RELL1: variants seen among roughly 807,000 people sequenced by gnomAD.
RELL1 encodes the protein RELT like 1.
In RELL1, 10 loss-of-function variants were observed where a neutral mutation model predicts 23.0. The ratio of observed to expected loss-of-function variants is 0.43; its 90% CI spans 0.27 to 0.74. The LOEUF is 0.74. Among genes scored for constraint, RELL1 ranks in the 30% least tolerant of loss-of-function variants. RELL1 has a pLI of 0.19. For synonymous variants in RELL1, 146 were observed against 146.8 expected, an observed-to-expected ratio of 0.99 and a Z score of 0.04; for missense variants, 315 against 364.4, an observed-to-expected ratio of 0.86 and a Z score of 1.10.
chr4:37,606,189 AAGAG>A (rs1259410799), downstream of RELL1, among the ~76,000 whole-genome samples: 209 of 122,788 alleles, frequency 1.7e-3, no homozygotes, highest in African/African-American at 5.8e-3. The surrounding 1 kb of genome is among the most constrained non-coding windows in gnomAD (Gnocchi z 4.1). Context: ...AGAAGAAAGA[AAGAG>A]AAAGAAGAAA....
At chr4:37,619,430 G>C (rs13121780) in intron 6 of RELL1, among the ~76,000 whole-genome samples, 28 of 150,526 alleles carry the variant, frequency 1.9e-4, no homozygotes, top group Middle Eastern at 3.4e-3. Context: ...ATCCACCTGC[G>C]TCAGCCTCCC....
At chr4:37,592,950 A>C (rs1718688185) in intron 6 of RELL1, among the ~76,000 whole-genome samples, 1 of 152,218 alleles carries the variant, frequency 6.6e-6, no homozygotes, top group Non-Finnish European at 1.5e-5. Flanking sequence ...ATTTAGTATA[A>C]AACATGATTT....
chr4:37,681,979 A>G (rs1038317724), intron 1 of RELL1, among the ~76,000 whole-genome samples: 1 of 152,260 alleles, frequency 6.6e-6, no homozygotes, highest in African/African-American at 2.4e-5. Flanking sequence ...TTTAGTAATA[A>G]TAAGCATGGA....
rs973398293 is a variant in RELL1, at chr4:37,610,778, T to A, written c.*2568A>T. 6.6e-6 allele frequency among the ~76,000 whole-genome samples: 1 copy of A among 152,206 alleles called. No individual in the cohort carries two copies. The highest frequency in any genetic ancestry group is 6.5e-5 in the Admixed American group (1 of 15,276). Reference sequence around the variant, plus strand: ...TTACATCAAGGTAGTAGCCAACTCATTGATGACACCAAAAAGTTGTCCATC... The same window carrying A: ...TTACATCAAGGTAGTAGCCAACTCAATGATGACACCAAAAAGTTGTCCATC... On this transcript the variant is annotated 3_prime_UTR_variant, in exon 7 of 7. Coordinates refer to ENST00000454158, the MANE Select transcript of RELL1 (RefSeq NM_001085400.2). This position sits in a 1 kb window ranked among gnomAD's most constrained non-coding sequence, Gnocchi z 4.1.
At chr4:37,679,240 G>A (rs75281854) in intron 1 of RELL1, among the ~76,000 whole-genome samples, 5,814 of 152,232 alleles carry the variant, frequency 0.038, 159 homozygotes, top group African/African-American at 0.076. Context: ...CCATCTAGCC[G>A]ACAAGTTTCC....
intron 6 of RELL1, among the ~76,000 whole-genome samples, chr4:37,619,848 G>C (rs1719710811): frequency 6.6e-6 from 1 of 152,222 alleles, no homozygotes; most frequent in African/African-American, 2.4e-5. Flanking sequence ...TGGGATTACA[G>C]GTGTGAGCTA....
chr4:37,672,792 A>G (rs1175596014), intron 1 of RELL1, among the ~76,000 whole-genome samples: 1 of 152,260 alleles, frequency 6.6e-6, no homozygotes, highest in African/African-American at 2.4e-5. Context: ...AAAACTCACC[A>G]GAAGTGACAG....
intron 3 of RELL1, among the ~76,000 whole-genome samples, chr4:37,646,822 A>G (rs2109279764): frequency 6.6e-6 from 1 of 152,064 alleles, no homozygotes; most frequent in East Asian, 1.9e-4. Context: ...TGAAATCCTG[A>G]GCTCAAGTGA....
At chr4:37,590,476 G>A (rs781386024), downstream of RELL1, 13 of 1,611,170 alleles carry the variant, frequency 8.1e-6, no homozygotes, top group South Asian at 2.2e-5. Flanking sequence ...GGAAGGAGGG[G>A]GCACCAGGAA....
At chr4:37,632,781 G>C (rs1720187339) in intron 5 of RELL1, among the ~76,000 whole-genome samples, 1 of 152,144 alleles carries the variant, frequency 6.6e-6, no homozygotes, top group Non-Finnish European at 1.5e-5. Context: ...TAAGAATTAA[G>C]AGTTAAATAA....
chr4:37,684,865 A>C (rs1441306159), intron 1 of RELL1, among the ~76,000 whole-genome samples: 2 of 152,210 alleles, frequency 1.3e-5, no homozygotes, highest in African/African-American at 4.8e-5. Flanking sequence ...AGGCAGGAGA[A>C]TCACTTGAAC....
At chr4:37,596,599 TA>T (rs959947355) in intron 6 of RELL1, among the ~76,000 whole-genome samples, 1 of 150,392 alleles carries the variant, frequency 6.6e-6, no homozygotes, top group Non-Finnish European at 1.5e-5. Flanking sequence ...AGAGCATTAA[TA>T]TTTTTTTCAC....
At chr4:37,672,343 G>A (rs1721861944) in intron 1 of RELL1, among the ~76,000 whole-genome samples, 1 of 151,972 alleles carries the variant, frequency 6.6e-6, no homozygotes. Context: ...CTCATTATGA[G>A]TAACAAAAAA....
At position 37,669,800 on chromosome 4, in the gene RELL1, G is replaced by C. The variant is rs537769329; in HGVS notation, c.88+16400C>G. The stretch of plus-strand genomic sequence containing the variant: ...ACTCAGGGTTAAATGGATTAAGGGC[G>C]GTGCAAGATGTGCTTTGTTAAACAG... On this transcript the variant is annotated intron_variant, in intron 1 of 6. Coordinates refer to ENST00000454158, the MANE Select transcript of RELL1 (RefSeq NM_001085400.2). 2.2e-3 allele frequency among the ~76,000 whole-genome samples: 339 copies of C among 152,094 alleles called. 1 individual carries two copies. Among genetic ancestry groups the C allele is most frequent in the Non-Finnish European group, 3.0e-3 (205 of 67,964 alleles).
chr4:37,617,681 G>T (rs1719619823), intron 6 of RELL1, among the ~76,000 whole-genome samples: 1 of 152,210 alleles, frequency 6.6e-6, no homozygotes, highest in South Asian at 2.1e-4. Flanking sequence ...TACTTGGGAG[G>T]CTGAGGCAAT....
intron 6 of RELL1, among the ~76,000 whole-genome samples, chr4:37,604,888 G>GACACACAGAC (rs1719138615): frequency 1.6e-5 from 1 of 63,456 alleles, no homozygotes; most frequent in African/African-American, 7.6e-5. Flanking sequence ...CATACACACA[G>GACACACAGAC]ACACACACAC....
At chr4:37,682,676 GGT>G (rs1722262202) in intron 1 of RELL1, among the ~76,000 whole-genome samples, 1 of 152,162 alleles carries the variant, frequency 6.6e-6, no homozygotes, top group Admixed American at 6.6e-5. Flanking sequence ...CAAGCTCCAA[GGT>G]GTGCTTTTTC....
chr4:37,653,317 T>C (rs558295034), intron 1 of RELL1, among the ~76,000 whole-genome samples: 54 of 151,766 alleles, frequency 3.6e-4, no homozygotes, highest in African/African-American at 1.3e-3. Flanking sequence ...TCCCCTTGTA[T>C]TGAAACCTCA....
chr4:37,601,068 A>G (rs763829393), intron 6 of RELL1, among the ~76,000 whole-genome samples: 5 of 152,224 alleles, frequency 3.3e-5, no homozygotes, highest in Non-Finnish European at 7.3e-5. Context: ...CTTAGCTGGT[A>G]GATCTGGGTT....
Sources: gnomAD v4.1 joint callset for allele counts (sites outside exome capture counted in the v4.1 genomes callset) on GRCh38, gnomAD v4.1.1 for gene constraint, Gnocchi (gnomAD v3.1) non-coding constraint, MANE v1.5 for transcripts, NCBI Gene and HGNC (gene_info 2026-07-23, HGNC 2026-07-21) for gene names.